Variants in LPGAT1 observed in about 807,000 individuals in gnomAD.
The protein encoded by LPGAT1 is acyl-CoA:lysophosphatidylglycerol acyltransferase 1.
In LPGAT1, 11 loss-of-function variants were observed where a neutral mutation model predicts 47.5. The ratio of observed to expected loss-of-function variants is 0.23; its 90% CI spans 0.15 to 0.38. The LOEUF (loss-of-function observed/expected upper bound fraction) is 0.38, where lower values mean the gene tolerates loss of function less well. LPGAT1 is among the 10% of genes least tolerant of loss of function. The pLI is 1.00. For synonymous variants in LPGAT1, 138 were observed against 144.2 expected, an observed-to-expected ratio of 0.96 and a Z score of 0.31; for missense variants, 293 against 439.0, an observed-to-expected ratio of 0.67 and a Z score of 2.97.
At position 211,783,337 on chromosome 1, in the gene LPGAT1, G is replaced by C. The variant is rs1212479475; in HGVS notation, c.619C>G (p.Leu207Val). Residue 207 changes from leucine (L) to valine (V), a missense_variant, in exon 5 of 8, where the codon CTT (leucine) becomes GTT (valine). Coordinates refer to ENST00000366997, the MANE Select transcript of LPGAT1 (RefSeq NM_014873.3). ...AFAKKNNLPFLTNVTLPRSGA... is the reference protein window; with the variant it reads ...AFAKKNNLPFVTNVTLPRSGA... ...GACCTTGGCAGAGTAACATTTGTAA[G>C]AAATGGCAAGTTATTTTTCTTGGCA... 1 of 1,614,130 alleles carries C rather than the reference G, an allele frequency of 6.2e-7. No homozygotes were observed. The highest frequency in any genetic ancestry group is 2.2e-5 in the East Asian group (1 of 44,880).
At chr1:211,798,366 A>G (rs1659433724) in intron 2 of LPGAT1, among the ~76,000 whole-genome samples, 1 of 152,184 alleles carries the variant, frequency 6.6e-6, no homozygotes, top group Non-Finnish European at 1.5e-5. Context: ...CTACTGTGTC[A>G]TATGAAAATC....
At position 211,744,917 on chromosome 1, in the gene LPGAT1, A is replaced by C. The variant is rs1021337715; in HGVS notation, c.*4982T>G. Reference sequence around the variant, plus strand: ...CTTTAAGTACTTGCCTGCAGATATTAATGCCCAAATAGCTCTGGTAAAACA... The same window carrying C: ...CTTTAAGTACTTGCCTGCAGATATTCATGCCCAAATAGCTCTGGTAAAACA... On this transcript the variant is annotated 3_prime_UTR_variant, in exon 8 of 8. Coordinates refer to ENST00000366997, the MANE Select transcript of LPGAT1 (RefSeq NM_014873.3). 1.3e-5 allele frequency: 2 copies of C among 152,666 alleles called. No homozygotes were observed. Among genetic ancestry groups the C allele is most frequent in the African/African-American group, 4.8e-5 (2 of 41,456 alleles). 9.5% of individuals were successfully genotyped at this position (152,666 alleles called of 1,614,324 possible). A position where few individuals can be genotyped will look rare whatever the true frequency, so the allele number is the denominator to read the frequency against.
chr1:211,809,600 G>A (rs1659893527), intron 2 of LPGAT1, among the ~76,000 whole-genome samples: 1 of 152,106 alleles, frequency 6.6e-6, no homozygotes, highest in Non-Finnish European at 1.5e-5. Context: ...GAATCATGAG[G>A]GGCGTGTCTT....
chr1:211,797,548 A>C (rs1452474961), intron 2 of LPGAT1, among the ~76,000 whole-genome samples: 2 of 152,140 alleles, frequency 1.3e-5, no homozygotes, highest in African/African-American at 4.8e-5. Flanking sequence ...TTAGAGCATA[A>C]TTTAAGGACC....
intron 3 of LPGAT1, among the ~76,000 whole-genome samples, chr1:211,791,576 C>T (rs182220822): frequency 1.3e-5 from 2 of 152,058 alleles, no homozygotes; most frequent in African/African-American, 4.8e-5. Context: ...GGCGAAACCC[C>T]GTCTCTACTA....
intron 6 of LPGAT1, among the ~76,000 whole-genome samples, chr1:211,759,180 A>G (rs1657586553): frequency 6.6e-6 from 1 of 152,182 alleles, no homozygotes; most frequent in Non-Finnish European, 1.5e-5. Context: ...TGTCAATGTT[A>G]TGCTATCCCG....
chr1:211,815,773 CTTTTTTTTTTTT>C (rs938719098), intron 2 of LPGAT1, among the ~76,000 whole-genome samples: 4 of 101,846 alleles, frequency 3.9e-5, no homozygotes, highest in Admixed American at 1.2e-4. Flanking sequence ...AAATGCTTTT[CTTTTTTTTTTTT>C]TTTTTTTTTT....
In LPGAT1 at chr1:211,747,321, G is replaced by C. The variant is rs994113782; in HGVS notation, c.*2578C>G. The C allele has an allele frequency of 3.3e-5, 5 of 152,050 alleles. No individual in the cohort carries two copies. Among genetic ancestry groups the C allele is most frequent in the African/African-American group, 1.2e-4 (5 of 41,414 alleles). The allele number at this position is 152,050 out of a possible 1,614,324, so 9.4% of individuals were successfully genotyped here. A position where few individuals can be genotyped will look rare whatever the true frequency, so the allele number is the denominator to read the frequency against. On this transcript the variant is annotated 3_prime_UTR_variant, in exon 8 of 8. Coordinates refer to ENST00000366997, the MANE Select transcript of LPGAT1 (RefSeq NM_014873.3). ...TGTTAAAGAATCAAAGAAGGATAGG[G>C]CAGATCAAATACACATCTATTTACA... is the stretch of plus-strand genomic sequence containing the variant.
intron 3 of LPGAT1, among the ~76,000 whole-genome samples, chr1:211,789,678 G>A (rs1461374101): frequency 3.3e-5 from 5 of 151,952 alleles, no homozygotes; most frequent in African/African-American, 9.7e-5. Flanking sequence ...TCAAGAGATC[G>A]AGACCATCCT....
intron 3 of LPGAT1, among the ~76,000 whole-genome samples, chr1:211,789,748 T>C (rs1341851340): frequency 6.6e-6 from 1 of 151,938 alleles, no homozygotes; most frequent in East Asian, 1.9e-4. Context: ...CGGACACCTG[T>C]AGTCCCAGCT....
chr1:211,827,010 C>T (rs977293252), intron 2 of LPGAT1, among the ~76,000 whole-genome samples: 24 of 152,182 alleles, frequency 1.6e-4, no homozygotes, highest in African/African-American at 5.3e-4. Context: ...CTTAGATGTG[C>T]TTCTTTAAAC....
At chr1:211,751,242 CAA>C (rs751417188) in intron 6 of LPGAT1, among the ~76,000 whole-genome samples, 175 bp from the exon 7 acceptor site, 4 of 152,178 alleles carry the variant, frequency 2.6e-5, no homozygotes, top group Admixed American at 6.5e-5. Context: ...GTTGATTACA[CAA>C]GAGAGTTAAT....
At chr1:211,764,886 C>T (rs1657844707) in intron 6 of LPGAT1, among the ~76,000 whole-genome samples, 1 of 152,184 alleles carries the variant, frequency 6.6e-6, no homozygotes, top group African/African-American at 2.4e-5. Context: ...CACTGCTTCC[C>T]CTTCTCAGTC....
intron 2 of LPGAT1, among the ~76,000 whole-genome samples, chr1:211,817,645 C>A (rs1660221615): frequency 6.6e-6 from 1 of 151,708 alleles, no homozygotes; most frequent in Non-Finnish European, 1.5e-5. Context: ...AGAAATGAGA[C>A]ATTCTACTAA....
intron 6 of LPGAT1, among the ~76,000 whole-genome samples, chr1:211,773,824 T>C (rs946250849): frequency 6.6e-6 from 1 of 152,200 alleles, no homozygotes; most frequent in African/African-American, 2.4e-5. Flanking sequence ...GAGGAAAAAG[T>C]TCTTTACTCT....
chr1:211,758,228 T>C (rs1486928265), intron 6 of LPGAT1, among the ~76,000 whole-genome samples: 2 of 152,326 alleles, frequency 1.3e-5, no homozygotes, highest in Middle Eastern at 3.4e-3. Flanking sequence ...GAAATAGCCA[T>C]TTACATATAA....
At chr1:211,813,342 A>AAT (rs1660063364) in intron 2 of LPGAT1, among the ~76,000 whole-genome samples, 1 of 152,286 alleles carries the variant, frequency 6.6e-6, no homozygotes, top group African/African-American at 2.4e-5. Context: ...AGGGTACAGG[A>AAT]ATATATATAT....
At position 211,749,412 on chromosome 1, in the gene LPGAT1, A is replaced by G. The variant is rs1349839240; in HGVS notation, c.*487T>C. On this transcript the variant is annotated 3_prime_UTR_variant, in exon 8 of 8. Transcript: ENST00000366997. ...TTACTGCAACAGACTGGAGTTTGTT[A>G]CTGCAAACGACAGGGAAAGAGTTCT... 1 of 156,464 alleles carries G rather than the reference A, an allele frequency of 6.4e-6. No homozygotes were observed. Among genetic ancestry groups the G allele is most frequent in the Non-Finnish European group, 1.4e-5 (1 of 71,112 alleles). The allele number at this position is 156,464 out of a possible 1,614,324, so 9.7% of individuals were successfully genotyped here.
chr1:211,826,401 T>C (rs1328290319), intron 2 of LPGAT1, among the ~76,000 whole-genome samples: 1 of 152,214 alleles, frequency 6.6e-6, no homozygotes, highest in African/African-American at 2.4e-5. Flanking sequence ...CAGTAGTACT[T>C]GCTGTGATGA....
Sources: allele counts gnomAD v4.1 joint callset (sites outside exome capture counted in the v4.1 genomes callset), GRCh38; gene constraint gnomAD v4.1.1; transcripts MANE v1.5; gene names NCBI Gene and HGNC (gene_info 2026-07-23, HGNC 2026-07-21).